CLVS1: variants seen among roughly 807,000 people sequenced by gnomAD.
CLVS1 encodes the protein clavesin-1.
CLVS1 carries 10 observed loss-of-function variants against 33.1 expected under a neutral mutation model. The ratio of observed to expected loss-of-function variants is 0.30; its 90% confidence interval spans 0.19 to 0.51. The LOEUF is 0.51. CLVS1 is among the 20% of genes least tolerant of loss of function. The pLI, the probability that CLVS1 is intolerant of heterozygous loss-of-function variation, is 0.97. For synonymous variants in CLVS1, 163 were observed against 166.1 expected (o/e 0.98, Z 0.14); for missense variants, 343 against 433.4 (o/e 0.79, Z 1.85).
chr8:61,414,686 G>T (rs1815362770), intron 3 of CLVS1, among the ~76,000 whole-genome samples: 1 of 152,152 alleles, frequency 6.6e-6, no homozygotes, highest in Admixed American at 6.5e-5. Flanking sequence ...GAAAGCTGAA[G>T]TCCACAGATG....
chr8:61,067,480 T>C (rs1563390455), intron 1 of CLVS1, among the ~76,000 whole-genome samples: 1 of 148,882 alleles, frequency 6.7e-6, no homozygotes, highest in African/African-American at 2.4e-5. Flanking sequence ...ATCATTATTA[T>C]AATGATATAT....
chr8:61,149,311 G>A (rs1256102147), intron 2 of CLVS1, among the ~76,000 whole-genome samples: 2 of 152,088 alleles, frequency 1.3e-5, no homozygotes, highest in African/African-American at 2.4e-5. Flanking sequence ...CAGCACTTTG[G>A]GAGGCTGAGG....
chr8:61,043,972 A>G, the CLVS1 span, among the ~76,000 whole-genome samples: 1 of 152,350 alleles, frequency 6.6e-6, no homozygotes, highest in Admixed American at 6.5e-5. Flanking sequence ...TTCTACTCAG[A>G]AAGATGCATA....
At chr8:61,020,969 C>T in the CLVS1 span, among the ~76,000 whole-genome samples, 1 of 152,224 alleles carries the variant, frequency 6.6e-6, no homozygotes, top group African/African-American at 2.4e-5. Flanking sequence ...TTAACACCTA[C>T]CCCACCAGCA....
chr8:61,148,932 A>G (rs573019178), intron 2 of CLVS1, among the ~76,000 whole-genome samples: 2 of 152,238 alleles, frequency 1.3e-5, no homozygotes, highest in Non-Finnish European at 2.9e-5. Flanking sequence ...GTGTGATTCC[A>G]GGAACATTCC....
intron 1 of CLVS1, among the ~76,000 whole-genome samples, chr8:61,296,930 G>T (rs1810234720): frequency 1.3e-5 from 2 of 152,140 alleles, no homozygotes; most frequent in African/African-American, 4.8e-5. Context: ...GAGAGAGAAA[G>T]GAAAATGGCA....
intron 2 of CLVS1, among the ~76,000 whole-genome samples, chr8:61,366,218 C>T (rs1813205187): frequency 6.6e-6 from 1 of 152,164 alleles, no homozygotes; most frequent in African/African-American, 2.4e-5. Context: ...ATGAAATAAA[C>T]CCTTCCCCAT....
intron 2 of CLVS1, chr8:61,264,614 T>C (rs1467583325): frequency 6.6e-6 from 1 of 152,238 alleles, no homozygotes; most frequent in Non-Finnish European, 1.5e-5. Context: ...AAAGATTTTT[T>C]GAATTGCAAT....
intron 5 of CLVS1, among the ~76,000 whole-genome samples, chr8:61,484,205 G>A (rs1006673353): frequency 6.6e-6 from 1 of 152,160 alleles, no homozygotes; most frequent in Non-Finnish European, 1.5e-5. Flanking sequence ...CATCATCTCA[G>A]CCCTAAATCT....
At chr8:61,478,849 A>G (rs1818066094) in intron 5 of CLVS1, among the ~76,000 whole-genome samples, 1 of 152,174 alleles carries the variant, frequency 6.6e-6, no homozygotes, top group African/African-American at 2.4e-5. Flanking sequence ...TGTGAATTTG[A>G]TCCTGTCATT....
chr8:61,466,632 T>G (rs899942710), intron 5 of CLVS1, among the ~76,000 whole-genome samples: 1 of 152,172 alleles, frequency 6.6e-6, no homozygotes, highest in African/African-American at 2.4e-5. Flanking sequence ...AAAATGGCTA[T>G]AGATATTATT....
chr8:61,469,952 G>A (rs1405476066), intron 5 of CLVS1, among the ~76,000 whole-genome samples: 3 of 152,212 alleles, frequency 2.0e-5, no homozygotes, highest in African/African-American at 7.2e-5. Flanking sequence ...GCTAATGCCT[G>A]AGATGTATCA....
chr8:61,248,644 T>TTA (rs113770223), intron 2 of CLVS1, among the ~76,000 whole-genome samples: 6,294 of 148,830 alleles, frequency 0.042, 401 homozygotes, highest in African/African-American at 0.14. Flanking sequence ...ACCAAGTCAT[T>TTA]TATATATATA....
intron 3 of CLVS1, among the ~76,000 whole-genome samples, chr8:61,435,493 C>T (rs1441869980): frequency 6.6e-6 from 1 of 152,056 alleles, no homozygotes; most frequent in African/African-American, 2.4e-5. Flanking sequence ...AACATTTGAA[C>T]TTCTATTACA....
At chr8:61,090,868 A>G (rs749851438) in intron 1 of CLVS1, 2 of 518,698 alleles carry the variant, frequency 3.9e-6, no homozygotes, top group Non-Finnish European at 7.7e-6. Flanking sequence ...TGATGAGAAG[A>G]CTGAGATTTT....
intron 2 of CLVS1, among the ~76,000 whole-genome samples, chr8:61,164,291 A>G (rs1189526568): frequency 6.6e-6 from 1 of 152,216 alleles, no homozygotes; most frequent in Non-Finnish European, 1.5e-5. Context: ...TTATTAAGAA[A>G]TTATTTTAGA....
chr8:61,100,589 C>T lies in CLVS1; in HGVS notation c.-242-31181C>T, dbSNP rs1369326173. Among the ~76,000 whole-genome samples, 3 of 152,142 alleles carry T rather than the reference C, an allele frequency of 2.0e-5. 1 individual carries two copies. Among genetic ancestry groups the T allele is most frequent in the Non-Finnish European group, 4.4e-5 (3 of 68,022 alleles). ...AGATATAATTCACATAATCAATTCA[C>T]CCATTTAAGTATATAATCAATGGCT... On this transcript the variant is annotated intron_variant, in intron 1 of 2. Transcript: ENST00000522621.
chr8:61,131,596 G>T (rs1806099684), intron 1 of CLVS1, among the ~76,000 whole-genome samples: 1 of 151,982 alleles, frequency 6.6e-6, no homozygotes, highest in South Asian at 2.1e-4. Flanking sequence ...CCAAAACTTT[G>T]TTGCTGGCAG....
At chr8:61,145,468 T>C (rs1336751053) in intron 2 of CLVS1, among the ~76,000 whole-genome samples, 3 of 152,248 alleles carry the variant, frequency 2.0e-5, no homozygotes, top group African/African-American at 7.2e-5. Flanking sequence ...CCCGTTGTAC[T>C]GTTTACATTT....
Sources: gnomAD v4.1 joint callset for allele counts (sites outside exome capture counted in the v4.1 genomes callset) on GRCh38, gnomAD v4.1.1 for gene constraint, MANE v1.5 for transcripts, NCBI Gene and HGNC (gene_info 2026-07-23, HGNC 2026-07-21) for gene names.